PLCH1: variants seen among roughly 807,000 people sequenced by gnomAD.
PLCH1 encodes the protein 1-phosphatidylinositol 4,5-bisphosphate phosphodiesterase eta-1.
In PLCH1, 60 loss-of-function variants were observed where a neutral mutation model predicts 126.7. The ratio of observed to expected loss-of-function variants is 0.47; its 90% CI spans 0.38 to 0.59. PLCH1 has a LOEUF of 0.59. Ranked by LOEUF, PLCH1 falls within the 20% of genes least tolerant of loss-of-function variation. PLCH1 has a pLI of 0.00. For synonymous variants in PLCH1, 719 were observed against 734.9 expected (o/e 0.98, Z 0.35); for missense variants, 1,723 against 2,040.0 (o/e 0.84, Z 2.99).
At chr3:155,715,908 A>G (rs1747470213) in intron 1 of PLCH1, among the ~76,000 whole-genome samples, 1 of 151,940 alleles carries the variant, frequency 6.6e-6, no homozygotes, top group Non-Finnish European at 1.5e-5. Context: ...TTAGCCTTCC[A>G]TTTGTTTTCT....
In PLCH1 at chr3:155,583,577, C is replaced by T; in HGVS notation, c.666G>A (p.Met222Ile). ...AATAAAGGTCTCGTCTCAAAGACATCATTTTGTAAAAAACACAGAACTCTT... is the reference window on the plus strand; with the variant it reads ...AATAAAGGTCTCGTCTCAAAGACATTATTTTGTAAAAAACACAGAACTCTT... ...TFEEFCVFYK[M>I]MSLRRDLYLL... Residue 222 changes from methionine to isoleucine, a missense_variant, in exon 6 of 23, where the codon ATG (methionine) becomes ATA (isoleucine). Met to Ile is a conservative substitution (Grantham distance 10). Around this residue, in one of 2 missense-constraint regions of PLCH1, gnomAD observed 776 missense variants for 1,062.9 expected, o/e 0.73. Coordinates refer to ENST00000460012, the MANE Select transcript of PLCH1 (RefSeq NM_014996.4). 6.2e-7 allele frequency: 1 copy of T among 1,602,902 alleles called. No homozygotes were observed. Among genetic ancestry groups the T allele is most frequent in the Non-Finnish European group, 8.5e-7 (1 of 1,176,842 alleles).
intron 10 of PLCH1, among the ~76,000 whole-genome samples, chr3:155,543,299 T>C (rs534696555): frequency 2.0e-5 from 3 of 151,966 alleles, no homozygotes; most frequent in East Asian, 3.9e-4. Context: ...TGACAGAAGA[T>C]GAAATGAATG....
At chr3:155,590,510 G>A (rs1731999890) in intron 4 of PLCH1, among the ~76,000 whole-genome samples, 1 of 151,666 alleles carries the variant, frequency 6.6e-6, no homozygotes, top group Non-Finnish European at 1.5e-5. Flanking sequence ...CAGATGAGGT[G>A]GAGCTTGCAG....
chr3:155,548,716 T>C (rs1012239744), intron 10 of PLCH1, among the ~76,000 whole-genome samples: 1 of 152,362 alleles, frequency 6.6e-6, no homozygotes, highest in Admixed American at 6.5e-5. Flanking sequence ...TTGGGCAAAT[T>C]GGCCTTCATG....
intron 8 of PLCH1, among the ~76,000 whole-genome samples, chr3:155,559,031 T>C (rs930053596): frequency 2.6e-5 from 4 of 152,302 alleles, no homozygotes; most frequent in East Asian, 1.9e-4. Flanking sequence ...CTCCTCTATG[T>C]TGTGCTCCTC....
chr3:155,664,890 G>A (rs1742558721), intron 2 of PLCH1, among the ~76,000 whole-genome samples: 1 of 152,100 alleles, frequency 6.6e-6, no homozygotes, highest in Non-Finnish European at 1.5e-5. Flanking sequence ...TAGAGATGGA[G>A]CTAAGATTTG....
At chr3:155,714,225 C>T (rs534334528) in intron 1 of PLCH1, among the ~76,000 whole-genome samples, 1 of 152,076 alleles carries the variant, frequency 6.6e-6, no homozygotes, top group South Asian at 2.1e-4. Context: ...AACAAAGTTG[C>T]TCCTTTCTCA....
chr3:155,649,573 C>G (rs1740470669), intron 2 of PLCH1, among the ~76,000 whole-genome samples: 1 of 152,180 alleles, frequency 6.6e-6, no homozygotes, highest in South Asian at 2.1e-4. Flanking sequence ...CCCCCCATAT[C>G]ACACAGCACC....
rs1471619206 is a variant in PLCH1 at position 155,482,992 on chromosome 3, T to G, written c.3034A>C (p.Asn1012His). ...KASIKDPHFLNFNKKLSSSSS... is the reference protein window; with the variant it reads ...KASIKDPHFLHFNKKLSSSSS... ...GAGGATGATAACTTTTTGTTGAAAT[T>G]TAGAAAATGTGGATCTTTTATACTT... Residue 1012 changes from asparagine to histidine, a missense_variant, in exon 23 of 23, where the codon AAT (asparagine) becomes CAT (histidine). By Grantham distance (68) the Asn-to-His change is moderately conservative. Coordinates refer to ENST00000460012, the MANE Select transcript of PLCH1 (RefSeq NM_014996.4). The G allele has an allele frequency of 1.2e-6, 2 of 1,614,054 alleles. No individual in the cohort carries two copies. Among genetic ancestry groups the G allele is most frequent in the East Asian group, 2.2e-5 (1 of 44,882 alleles).
intron 2 of PLCH1, among the ~76,000 whole-genome samples, chr3:155,698,417 G>C (rs1745995375): frequency 6.6e-6 from 1 of 152,044 alleles, no homozygotes; most frequent in African/African-American, 2.4e-5. Flanking sequence ...TTTTTCCTTT[G>C]TGTTCTAAAC....
chr3:155,514,644 T>C (rs1720057984), intron 12 of PLCH1, 79 bp downstream of exon 12: 2 of 967,374 alleles, frequency 2.1e-6, no homozygotes, highest in Non-Finnish European at 2.9e-6. Context: ...TGGAGGAGCA[T>C]TTCACAAATG....
At chr3:155,727,212 G>A (rs1306052792) in intron 1 of PLCH1, among the ~76,000 whole-genome samples, 2 of 151,716 alleles carry the variant, frequency 1.3e-5, no homozygotes, top group East Asian at 1.9e-4. Flanking sequence ...TCTTAAGCTC[G>A]TATCTTGTGT....
chr3:155,520,128 C>T (rs1448580805), intron 11 of PLCH1, among the ~76,000 whole-genome samples: 1 of 152,208 alleles, frequency 6.6e-6, no homozygotes, highest in Non-Finnish European at 1.5e-5. Context: ...TCATTCTCTA[C>T]CCCTTGTCGC....
intron 2 of PLCH1, among the ~76,000 whole-genome samples, chr3:155,615,821 C>T (rs1246462381): frequency 3.9e-5 from 6 of 152,126 alleles, no homozygotes; most frequent in African/African-American, 1.4e-4. Context: ...ACAGTGTATA[C>T]TGCTTGGGTG....
Position 155,568,291 on chromosome 3 carries a change from T to G in PLCH1, c.805A>C (p.Ile269Leu), listed in dbSNP as rs777803343. 3.9e-6 allele frequency: 6 copies of G among 1,548,810 alleles called. No homozygotes were observed. In the African/African-American group the frequency reaches 8.1e-5, roughly 21 times the overall value. The change falls in exon 7 of 23, where the codon ATC (isoleucine) becomes CTC (leucine). Residue 269 changes from isoleucine to leucine, a missense_variant. Around this residue, in one of 2 missense-constraint regions of PLCH1, gnomAD observed 776 missense variants for 1,062.9 expected, o/e 0.73. Transcript: ENST00000460012. Reference sequence around the variant, plus strand: ...TCTGAAACTTCAAACTTCTTTATGATGTCAAGACAATAGTCCGTTGTCACA... The same window carrying G: ...TCTGAAACTTCAAACTTCTTTATGAGGTCAAGACAATAGTCCGTTGTCACA... ...NNVTTDYCLD[I>L]IKKFEVSEEN... is the part of the protein sequence containing the mutation.
intron 2 of PLCH1, among the ~76,000 whole-genome samples, chr3:155,608,807 T>G (rs1341508495): frequency 6.6e-6 from 1 of 152,052 alleles, no homozygotes; most frequent in Admixed American, 6.6e-5. Flanking sequence ...CTTGGAAACT[T>G]TATGGCCCTG....
At chr3:155,605,966 A>AG (rs1454774215) in intron 2 of PLCH1, among the ~76,000 whole-genome samples, 1 of 151,874 alleles carries the variant, frequency 6.6e-6, no homozygotes, top group African/African-American at 2.4e-5. Context: ...TCTTCGTGGG[A>AG]GGGAAAAAAA....
At chr3:155,743,582 T>C (rs1421097615) in intron 1 of PLCH1, 1 of 450,670 alleles carries the variant, frequency 2.2e-6, no homozygotes, top group Non-Finnish European at 4.4e-6. Context: ...AACTGGCTTC[T>C]GTTAAGGCTT....
intron 21 of PLCH1, among the ~76,000 whole-genome samples, chr3:155,467,794 A>T (rs1393108173): frequency 1.3e-5 from 2 of 152,222 alleles, no homozygotes; most frequent in Admixed American, 6.5e-5. Flanking sequence ...ACTTGCCCAG[A>T]CAAACAAAAG....
Sources: allele counts gnomAD v4.1 joint callset (sites outside exome capture counted in the v4.1 genomes callset), GRCh38; gene constraint gnomAD v4.1.1; regional missense constraint gnomAD v4.1.1; transcripts MANE v1.5; gene names NCBI Gene and HGNC (gene_info 2026-07-23, HGNC 2026-07-21).